RICTOR: variants seen among roughly 807,000 people sequenced by gnomAD.
The protein encoded by RICTOR is rapamycin-insensitive companion of mTOR.
RICTOR carries 49 observed loss-of-function variants against 214.9 expected under a neutral mutation model. That is an observed-to-expected ratio of 0.23 (90% CI 0.18 to 0.29). The LOEUF (loss-of-function observed/expected upper bound fraction) is 0.29, where lower values mean the gene tolerates loss of function less well. Among genes scored for constraint, RICTOR ranks in the 10% least tolerant of loss-of-function variants. The pLI is 1.00. For missense variants in RICTOR, 1,625 were observed against 2,047.0 expected (o/e 0.79, Z 3.98); for synonymous variants, 717 against 711.3 (o/e 1.01, Z -0.13).
Position 39,020,146 on chromosome 5 carries a change from C to T in RICTOR, c.195+893G>A, listed in dbSNP as rs79529552. Among the ~76,000 whole-genome samples the T allele has an allele frequency of 4.7e-4, 71 of 152,210 alleles. 1 individual carries two copies. The East Asian group carries it at 6.2e-3, about 13-fold the overall frequency. Reference sequence around the variant, plus strand: ...GTTCCCTCTTATGGAAGAGCAAAAACGGGGTTTCATGAAATCTATTCCTGG... The same window carrying T: ...GTTCCCTCTTATGGAAGAGCAAAAATGGGGTTTCATGAAATCTATTCCTGG... On this transcript the variant is annotated intron_variant, in intron 3 of 37. Coordinates refer to ENST00000357387, the MANE Select transcript of RICTOR (RefSeq NM_152756.5).
Position 38,996,801 on chromosome 5 carries a change from C to T in RICTOR, c.456+18G>A, listed in dbSNP as rs756970421. On this transcript the variant is annotated intron_variant, in intron 6 of 37. Transcript: ENST00000357387. The stretch of plus-strand genomic sequence containing the variant: ...AAAAACCATAAATTTGCCTTTTACT[C>T]TCACACATAGAGCATACCTTTCTGA... 7 of 1,551,844 alleles carry T rather than the reference C, an allele frequency of 4.5e-6. No individual in the cohort carries two copies. The highest frequency in any genetic ancestry group is 1.2e-5 in the South Asian group (1 of 84,780).
chr5:39,012,972 T>C (rs1258571043), intron 3 of RICTOR, among the ~76,000 whole-genome samples: 2 of 152,170 alleles, frequency 1.3e-5, no homozygotes, highest in Non-Finnish European at 1.5e-5. Flanking sequence ...TATTTTATCT[T>C]AGTCCCATGG....
Position 38,947,273 on chromosome 5 carries a change from A to G in RICTOR, c.4305T>C (p.Asp1435=). The G allele has an allele frequency of 6.2e-7, 1 of 1,608,116 alleles. No homozygotes were observed. Among genetic ancestry groups the G allele is most frequent in the South Asian group, 1.1e-5 (1 of 90,762 alleles). Residue 1435 remains aspartate, a synonymous_variant, in exon 32 of 38, where the codon GAT becomes GAC. Transcript: ENST00000357387. ...AAATGTATGATAATACCTGGAATAT[A>G]TCATTTATATCCACCGGGAGAGCAA... ...IGLALPVDIN[D]IFQVKDIPYF...
At chr5:38,996,102 T>C (rs576750966) in intron 6 of RICTOR, among the ~76,000 whole-genome samples, 269 of 152,316 alleles carry the variant, frequency 1.8e-3, no homozygotes, top group Admixed American at 2.6e-3. Flanking sequence ...AAAATTCAAC[T>C]GGAAAATATT....
intron 2 of RICTOR, among the ~76,000 whole-genome samples, chr5:39,040,442 T>C (rs1757085007): frequency 6.6e-6 from 1 of 152,114 alleles, no homozygotes; most frequent in Non-Finnish European, 1.5e-5. Flanking sequence ...GCTGTGCACA[T>C]GTACCCTAAA....
intron 7 of RICTOR, among the ~76,000 whole-genome samples, chr5:38,983,011 C>A (rs1751849113): frequency 6.6e-6 from 1 of 152,006 alleles, no homozygotes; most frequent in Non-Finnish European, 1.5e-5. Context: ...AATCACAGAT[C>A]TTAATGGTAT....
At chr5:39,055,784 G>T (rs1411206450) in intron 2 of RICTOR, among the ~76,000 whole-genome samples, 1 of 152,180 alleles carries the variant, frequency 6.6e-6, no homozygotes, top group Non-Finnish European at 1.5e-5. Context: ...GAAGAAAACA[G>T]ATTGGAAAAG....
At chr5:39,048,553 G>C (rs2150182625) in intron 2 of RICTOR, among the ~76,000 whole-genome samples, 1 of 152,244 alleles carries the variant, frequency 6.6e-6, no homozygotes, top group East Asian at 1.9e-4. Context: ...CATTTCATGG[G>C]TTGTCACAAT....
At chr5:39,032,931 T>C (rs1756375176) in intron 2 of RICTOR, among the ~76,000 whole-genome samples, 1 of 152,214 alleles carries the variant, frequency 6.6e-6, no homozygotes, top group Admixed American at 6.5e-5. Context: ...CAGACTAGAT[T>C]AGTAAAGGTT....
chr5:39,023,872 G>A (rs150639076), intron 2 of RICTOR, among the ~76,000 whole-genome samples: 1 of 152,270 alleles, frequency 6.6e-6, no homozygotes, highest in Non-Finnish European at 1.5e-5. Flanking sequence ...GTTGCTACAT[G>A]CTGAGATCAA....
At position 38,954,821 on chromosome 5, in the gene RICTOR, C is replaced by A; in HGVS notation, c.2650G>T (p.Gly884Ter). ...PHVYLPIHLY[G>*]QLVHHKTGCH... is the part of the protein sequence containing the mutation. ...CCTGTTTTATGGTGTACTAGTTGTC[C>A]ATAAAGGTGTATAGGCAGGTAGACG... is the stretch of plus-strand genomic sequence containing the variant. Residue 884 changes from glycine to a stop codon, truncating the protein, a stop_gained, in exon 27 of 38, where the codon GGA becomes TGA. Transcript: ENST00000357387. LOFTEE classifies it high-confidence loss of function. 6.2e-7 allele frequency: 1 copy of A among 1,604,576 alleles called. No homozygotes were observed. The highest frequency in any genetic ancestry group is 1.1e-5 in the South Asian group (1 of 90,698).
At chr5:38,955,915 A>T (rs758646975) in intron 25 of RICTOR, among the ~76,000 whole-genome samples, 48 of 151,988 alleles carry the variant, frequency 3.2e-4, no homozygotes, top group Non-Finnish European at 5.9e-4. Context: ...TGAGCTCCAG[A>T]TCCACATTTT....
chr5:39,039,554 T>C (rs1757007324), intron 2 of RICTOR, among the ~76,000 whole-genome samples: 1 of 152,142 alleles, frequency 6.6e-6, no homozygotes, highest in Non-Finnish European at 1.5e-5. Context: ...AGAAAATTTT[T>C]GCAACCTACT....
intron 7 of RICTOR, among the ~76,000 whole-genome samples, chr5:38,988,759 A>C (rs376881692): frequency 6.6e-6 from 1 of 152,134 alleles, no homozygotes; most frequent in Non-Finnish European, 1.5e-5. Flanking sequence ...AACTCCCATT[A>C]ACAACTGCTA....
At chr5:38,965,077 C>A (rs41271105) in intron 15 of RICTOR, among the ~76,000 whole-genome samples, 185 bp from the exon 16 acceptor site, 1 of 151,958 alleles carries the variant, frequency 6.6e-6, no homozygotes, top group Non-Finnish European at 1.5e-5. Context: ...ATACTTTCAA[C>A]AAGGATGGAA....
intron 2 of RICTOR, among the ~76,000 whole-genome samples, chr5:39,024,295 T>C (rs1755647075): frequency 6.6e-6 from 1 of 152,226 alleles, no homozygotes; most frequent in African/African-American, 2.4e-5. Context: ...TGGTTTAGCG[T>C]ATGTCTTTAT....
intron 5 of RICTOR, among the ~76,000 whole-genome samples, chr5:39,001,806 G>A (rs187573352): frequency 6.6e-6 from 1 of 152,138 alleles, no homozygotes; most frequent in Admixed American, 6.5e-5. Context: ...AAACCACAAT[G>A]AGACCCCACA....
chr5:38,974,677 T>C (rs1751061988), intron 10 of RICTOR, among the ~76,000 whole-genome samples: 1 of 151,996 alleles, frequency 6.6e-6, no homozygotes, highest in African/African-American at 2.4e-5. Context: ...TCCATCAGCA[T>C]AAGGAAAATA....
intron 2 of RICTOR, among the ~76,000 whole-genome samples, chr5:39,036,705 C>G (rs1214338027): frequency 2.0e-5 from 3 of 152,012 alleles, no homozygotes; most frequent in African/African-American, 4.8e-5. Context: ...CAGCAAAGAT[C>G]AAAAGAGACA....
Sources: gnomAD v4.1 joint callset for allele counts (sites outside exome capture counted in the v4.1 genomes callset) on GRCh38, gnomAD v4.1.1 for gene constraint, MANE v1.5 for transcripts, NCBI Gene and HGNC (gene_info 2026-07-23, HGNC 2026-07-21) for gene names.